Variants in MSH3 observed in about 807,000 individuals in gnomAD.
MSH3 encodes the protein mutS homolog 3, also known as DNA mismatch repair protein Msh3.
In MSH3, 106 loss-of-function variants were observed where a neutral mutation model predicts 123.3. The ratio of observed to expected loss-of-function variants is 0.86; its 90% CI spans 0.73 to 1.01. The LOEUF is 1.01. Ranked by LOEUF, MSH3 falls within the 50% of genes least tolerant of loss-of-function variation. The pLI is 0.00. For synonymous variants in MSH3, 515 were observed against 481.4 expected, an observed-to-expected ratio of 1.07 and a Z score of -0.91; for missense variants, 1,459 against 1,347.6, an observed-to-expected ratio of 1.08 and a Z score of -1.29.
At chr5:80,817,023 C>T (rs1168986917) in intron 20 of MSH3, among the ~76,000 whole-genome samples, 2 of 152,148 alleles carry the variant, frequency 1.3e-5, no homozygotes, top group South Asian at 2.1e-4. Context: ...TTTTTGTGTA[C>T]GTGATTGGGT....
chr5:80,812,781 ACTC>A lies in MSH3; in HGVS notation c.2656-800_2656-798del, dbSNP rs543839465. 7.2e-4 allele frequency among the ~76,000 whole-genome samples: 109 copies of A among 150,872 alleles called. No homozygotes were observed. In the South Asian group the frequency reaches 0.022, roughly 31 times the overall value. ...GCCATGTTGGCCAGCCTGGTCTTGA[ACTC>A]CTGGCCTCAAGCGATCCACCTCCTT... On this transcript the variant is annotated intron_variant, in intron 19 of 23. Transcript: ENST00000265081.
chr5:80,695,671 A>C (rs1349790635), intron 8 of MSH3, among the ~76,000 whole-genome samples: 2 of 151,768 alleles, frequency 1.3e-5, no homozygotes, highest in African/African-American at 4.8e-5. Context: ...GTTGCAGAGA[A>C]TTTTTCCTTG....
intron 8 of MSH3, among the ~76,000 whole-genome samples, chr5:80,724,242 T>G (rs751815892): frequency 6.6e-6 from 1 of 152,222 alleles, no homozygotes; most frequent in Non-Finnish European, 1.5e-5. Context: ...CTATATACTA[T>G]GAAATATTTT....
intron 20 of MSH3, among the ~76,000 whole-genome samples, chr5:80,841,314 T>C (rs1745621175): frequency 1.3e-5 from 2 of 152,244 alleles, no homozygotes; most frequent in African/African-American, 4.8e-5. Flanking sequence ...TTGATGGACA[T>C]TTGGGTTGGT....
At chr5:80,684,540 A>G (rs1750041790) in intron 8 of MSH3, among the ~76,000 whole-genome samples, 1 of 152,132 alleles carries the variant, frequency 6.6e-6, no homozygotes, top group Non-Finnish European at 1.5e-5. Flanking sequence ...CTGCAACTTT[A>G]CTGAATTTGT....
intron 17 of MSH3, among the ~76,000 whole-genome samples, chr5:80,781,586 GC>G (rs1453979330): frequency 6.6e-6 from 1 of 150,960 alleles, no homozygotes; most frequent in African/African-American, 2.4e-5. Context: ...TTCCACCTCA[GC>G]CCCCTAGTAG....
chr5:80,797,609 C>T (rs756213072), intron 19 of MSH3, among the ~76,000 whole-genome samples: 3 of 152,182 alleles, frequency 2.0e-5, no homozygotes, highest in Admixed American at 2.0e-4. Flanking sequence ...AAATGATCTG[C>T]CAGAGGTTGC....
chr5:80,818,312 A>G (rs32993), intron 20 of MSH3, among the ~76,000 whole-genome samples: 67,271 of 150,128 alleles, frequency 0.45, 16,024 homozygotes, highest in Non-Finnish European at 0.54. Flanking sequence ...AAACACCACC[A>G]TAGGGGTACT....
intron 6 of MSH3, among the ~76,000 whole-genome samples, chr5:80,673,558 A>T (rs1749768902): frequency 6.6e-6 from 1 of 151,988 alleles, no homozygotes; most frequent in Non-Finnish European, 1.5e-5. Flanking sequence ...ACAAACCAAA[A>T]ATTCAAAATG....
chr5:80,693,529 TTATA>T (rs1480766882), intron 8 of MSH3, among the ~76,000 whole-genome samples: 1 of 142,902 alleles, frequency 7.0e-6, no homozygotes, highest in East Asian at 1.9e-4. Context: ...ATGTATATGT[TTATA>T]TAAATATATA....
At chr5:80,699,896 G>A (rs550927720) in intron 8 of MSH3, among the ~76,000 whole-genome samples, 7 of 152,232 alleles carry the variant, frequency 4.6e-5, no homozygotes, top group Non-Finnish European at 1.0e-4. Context: ...CCCCTCTGGC[G>A]CTTGAAACCT....
At position 80,725,580 on chromosome 5, in the gene MSH3, T is replaced by G; in HGVS notation, c.1453+15T>G. ...TGACATCAAAGGTAAATATTTTCCC[T>G]GTATGTCCTCAAGTTGAACTGATTT... On this transcript the variant is annotated intron_variant, in intron 9 of 23. Transcript: ENST00000265081. 1 of 1,557,804 alleles carries G rather than the reference T, an allele frequency of 6.4e-7. No individual in the cohort carries two copies. The highest frequency in any genetic ancestry group is 2.2e-5 in the East Asian group (1 of 44,544).
intron 21 of MSH3, among the ~76,000 whole-genome samples, chr5:80,856,064 T>G (rs1220458390): frequency 6.6e-6 from 1 of 151,888 alleles, no homozygotes; most frequent in East Asian, 1.9e-4. Context: ...TTTTGTATTC[T>G]TTTAGGAATG....
chr5:80,869,545 C>G (rs1335457897), intron 22 of MSH3, among the ~76,000 whole-genome samples: 7 of 151,944 alleles, frequency 4.6e-5, no homozygotes, highest in Non-Finnish European at 1.0e-4. Context: ...AGAGATCCCC[C>G]AGGCGATTAT....
intron 13 of MSH3, among the ~76,000 whole-genome samples, chr5:80,765,412 G>T (rs540943075): frequency 1.3e-5 from 2 of 152,170 alleles, no homozygotes; most frequent in Middle Eastern, 6.8e-3. Flanking sequence ...GGTCTTTCTG[G>T]AGAAAAGTTG....
At chr5:80,746,699 G>T (rs757509991) in intron 12 of MSH3, 1 of 354,148 alleles carries the variant, frequency 2.8e-6, no homozygotes, top group African/African-American at 2.2e-5. Flanking sequence ...GAGGAGCTGG[G>T]TCGTTATCTC....
At chr5:80,745,047 A>G (rs748594546) in intron 12 of MSH3, among the ~76,000 whole-genome samples, 6 of 152,240 alleles carry the variant, frequency 3.9e-5, no homozygotes, top group Non-Finnish European at 7.4e-5. Context: ...GAGCTACAGC[A>G]GTAATAGCAA....
At position 80,805,586 on chromosome 5, in the gene MSH3, C is replaced by A. The variant is rs1288714544; in HGVS notation, c.2656-7998C>A. On this transcript the variant is annotated intron_variant, in intron 19 of 23. Transcript: ENST00000265081. ...TTCACTTTCAATATGATGCCCCCCC[C>A]CCCTACCTTTTTTTTTTTTTTTTTT... Among the ~76,000 whole-genome samples the A allele has an allele frequency of 1.1e-4, 9 of 80,322 alleles. 1 individual carries two copies. Among genetic ancestry groups the A allele is most frequent in the Middle Eastern group, 0.01 (2 of 198 alleles). The allele number at this position is 80,322 out of a possible 152,430, so 52.7% of individuals were successfully genotyped here.
chr5:80,712,301 G>A (rs888527027), intron 8 of MSH3, among the ~76,000 whole-genome samples: 2 of 151,962 alleles, frequency 1.3e-5, no homozygotes, highest in African/African-American at 4.8e-5. Flanking sequence ...TTAATAAGTT[G>A]TATATTTTAG....
Sources: gnomAD v4.1 joint callset for allele counts (sites outside exome capture counted in the v4.1 genomes callset) on GRCh38, gnomAD v4.1.1 for gene constraint, MANE v1.5 for transcripts, NCBI Gene and HGNC (gene_info 2026-07-23, HGNC 2026-07-21) for gene names.